The following MYO6 variants were observed in gnomAD, a reference collection of about 807,000 sequenced individuals.
MYO6 encodes the protein unconventional myosin-VI.
A neutral mutation model predicts 178.7 loss-of-function variants in MYO6; 74 were observed. That is an observed-to-expected ratio of 0.41 (90% CI 0.34 to 0.50). MYO6 has a LOEUF of 0.50. Among genes scored for constraint, MYO6 ranks in the 20% least tolerant of loss-of-function variants. MYO6 has a pLI of 0.09. For synonymous variants in MYO6, 477 were observed against 504.6 expected, an observed-to-expected ratio of 0.95 and a Z score of 0.73; for missense variants, 1,330 against 1,547.4, an observed-to-expected ratio of 0.86 and a Z score of 2.36.
intron 25 of MYO6, among the ~76,000 whole-genome samples, chr6:75,887,850 G>T (rs1279867592): frequency 6.6e-6 from 1 of 150,914 alleles, no homozygotes; most frequent in Non-Finnish European, 1.5e-5. Flanking sequence ...GTGATGGGGG[G>T]CACCTGTAGC....
chr6:75,774,480 A>G (rs1336623647), intron 1 of MYO6, among the ~76,000 whole-genome samples: 1 of 151,936 alleles, frequency 6.6e-6, no homozygotes, highest in Non-Finnish European at 1.5e-5. Context: ...TTTCCATTGG[A>G]TCTTTTTTGC....
In MYO6 at chr6:75,854,782, C is replaced by A. The variant is rs560049229; in HGVS notation, c.1079-357C>A. ...ATTACTCCTTGAAATTTCTTGAAGT[C>A]ATATGAATTTTAATGATGAGATACT... On this transcript the variant is annotated intron_variant, in intron 11 of 34. Transcript: ENST00000369977. 7.2e-5 allele frequency among the ~76,000 whole-genome samples: 11 copies of A among 152,134 alleles called. 1 individual carries two copies. In the South Asian group the frequency reaches 1.9e-3, roughly 26 times the overall value.
At chr6:75,887,153 A>G (rs945719374) in intron 25 of MYO6, among the ~76,000 whole-genome samples, 159 bp downstream of exon 25, 5 of 152,076 alleles carry the variant, frequency 3.3e-5, no homozygotes, top group Admixed American at 3.3e-4. Flanking sequence ...TATTACCTCT[A>G]CTCTTTATGT....
At chr6:75,752,637 G>A (rs559431637) in intron 1 of MYO6, among the ~76,000 whole-genome samples, 1 of 152,300 alleles carries the variant, frequency 6.6e-6, no homozygotes, top group East Asian at 1.9e-4. Flanking sequence ...TGTAATTCAA[G>A]GTTTGACAAA....
chr6:75,750,831 C>T (rs1231941849), intron 1 of MYO6, among the ~76,000 whole-genome samples: 2 of 151,976 alleles, frequency 1.3e-5, no homozygotes, highest in Admixed American at 6.6e-5. Flanking sequence ...CCACTCGCCT[C>T]GGCCTCCCAA....
intron 1 of MYO6, among the ~76,000 whole-genome samples, chr6:75,763,915 A>T (rs1340646338): frequency 6.6e-6 from 1 of 152,230 alleles, no homozygotes; most frequent in Non-Finnish European, 1.5e-5. Flanking sequence ...TATAATGCTA[A>T]TGAGGTCTTG....
At chr6:75,841,193 T>A (rs529148986) in intron 8 of MYO6, 21 bp from the exon 9 acceptor site, 1 of 1,608,160 alleles carries the variant, frequency 6.2e-7, no homozygotes. Flanking sequence ...AAATATATTT[T>A]CTCTGTGTTT....
chr6:75,766,016 A>G (rs1442575093), intron 1 of MYO6, among the ~76,000 whole-genome samples: 1 of 152,190 alleles, frequency 6.6e-6, no homozygotes, highest in East Asian at 1.9e-4. Flanking sequence ...CAACAGAGTG[A>G]GACTCCGTCT....
chr6:75,860,499 T>C (rs1242464981), intron 14 of MYO6, among the ~76,000 whole-genome samples: 5 of 152,242 alleles, frequency 3.3e-5, no homozygotes, highest in African/African-American at 9.6e-5. Context: ...TGTTCACCTT[T>C]TTAATATACT....
intron 1 of MYO6, among the ~76,000 whole-genome samples, chr6:75,778,785 A>G (rs2748960): frequency 0.77 from 116,430 of 151,192 alleles, 46,048 homozygotes; most frequent in East Asian, 0.95. Flanking sequence ...GGCCAGCTGC[A>G]GTGGCTCACG....
At chr6:75,885,916 G>A (rs930025516) in intron 23 of MYO6, 88 bp from the exon 24 acceptor site, 4 of 780,222 alleles carry the variant, frequency 5.1e-6, no homozygotes, top group Non-Finnish European at 8.6e-6. Context: ...TGTTTCTTGA[G>A]CATTACTTTG....
In MYO6 at chr6:75,881,726, A is replaced by G; in HGVS notation, c.2324A>G (p.Asp775Gly). Reference sequence around the variant, plus strand: ...GATCAGATCATGAAGTCTGACCCTGACCACTTAGCAGAGTTGGTTAAAAGA... The same window carrying G: ...GATCAGATCATGAAGTCTGACCCTGGCCACTTAGCAGAGTTGGTTAAAAGA... Reference protein sequence around the residue: ...EFDQIMKSDPDHLAELVKRVN... With the variant: ...EFDQIMKSDPGHLAELVKRVN... The change falls in exon 23 of 35, where the codon GAC (aspartate) becomes GGC (glycine). Residue 775 changes from aspartate to glycine, a missense_variant. Transcript: ENST00000369977. The G allele has an allele frequency of 3.7e-6, 6 of 1,613,926 alleles. No individual in the cohort carries two copies. Among genetic ancestry groups the G allele is most frequent in the Non-Finnish European group, 5.1e-6 (6 of 1,179,862 alleles).
At chr6:75,815,063 T>G (rs1771083639) in intron 1 of MYO6, among the ~76,000 whole-genome samples, 1 of 152,180 alleles carries the variant, frequency 6.6e-6, no homozygotes, top group Non-Finnish European at 1.5e-5. Context: ...TTTGGTAGGA[T>G]TACCAGTGAT....
chr6:75,756,346 T>C (rs1384214347), intron 1 of MYO6, among the ~76,000 whole-genome samples: 2 of 152,232 alleles, frequency 1.3e-5, no homozygotes, highest in Non-Finnish European at 2.9e-5. Context: ...TTTTTCTTTT[T>C]TTTTGAGACG....
At chr6:75,829,198 G>A (rs1353293070) in intron 4 of MYO6, among the ~76,000 whole-genome samples, 1 of 152,086 alleles carries the variant, frequency 6.6e-6, no homozygotes, top group Non-Finnish European at 1.5e-5. Context: ...AAAAATGAAA[G>A]AAAATGCTTT....
At chr6:75,823,290 A>C (rs548493695) in intron 3 of MYO6, among the ~76,000 whole-genome samples, 1 of 152,360 alleles carries the variant, frequency 6.6e-6, no homozygotes, top group South Asian at 2.1e-4. Context: ...CTAATTGAAA[A>C]ATTAATTTCA....
chr6:75,903,148 A>G (rs1167090590), intron 30 of MYO6, among the ~76,000 whole-genome samples: 5 of 152,140 alleles, frequency 3.3e-5, no homozygotes, highest in South Asian at 2.1e-4. Flanking sequence ...ACTTCCAAGT[A>G]TGTGGTCAAT....
chr6:75,750,720 A>G (rs1776812082), intron 1 of MYO6, among the ~76,000 whole-genome samples: 1 of 151,586 alleles, frequency 6.6e-6, no homozygotes. Flanking sequence ...CTGGGACTAC[A>G]GTAAGGGCGC....
intron 11 of MYO6, among the ~76,000 whole-genome samples, chr6:75,853,021 A>G (rs573115195): frequency 1.3e-5 from 2 of 152,152 alleles, no homozygotes; most frequent in Non-Finnish European, 2.9e-5. Context: ...GTGTATGCTT[A>G]TAGCAATCGT....
Sources: allele counts gnomAD v4.1 joint callset (sites outside exome capture counted in the v4.1 genomes callset), GRCh38; gene constraint gnomAD v4.1.1; transcripts MANE v1.5; gene names NCBI Gene and HGNC (gene_info 2026-07-23, HGNC 2026-07-21).